PCLO: variants seen among roughly 807,000 people sequenced by gnomAD.
PCLO encodes the protein piccolo presynaptic cytomatrix protein.
Under a neutral mutation model 427.5 loss-of-function variants are expected in PCLO, and 82 were observed. That is an observed-to-expected ratio of 0.19 (90% CI 0.16 to 0.23). PCLO has a LOEUF of 0.23. Ranked by LOEUF, PCLO falls within the 10% of genes least tolerant of loss-of-function variation. PCLO has a pLI of 1.00. For synonymous variants in PCLO, 2,357 were observed against 2,155.4 expected, an observed-to-expected ratio of 1.09 and a Z score of -2.59; for missense variants, 6,239 against 6,115.9, an observed-to-expected ratio of 1.02 and a Z score of -0.67.
At chr7:83,133,036 T>A (rs1018334561) in intron 3 of PCLO, among the ~76,000 whole-genome samples, 108 of 152,022 alleles carry the variant, frequency 7.1e-4, no homozygotes, top group African/African-American at 2.4e-3. Context: ...GTTAAAATTA[T>A]TCATCACAGC....
rs139438473 is a variant in PCLO at position 82,841,895 on chromosome 7, C to T, written c.14047-386G>A. 1.8e-3 allele frequency among the ~76,000 whole-genome samples: 278 copies of T among 152,126 alleles called. 4 individuals carry two copies. Among genetic ancestry groups the T allele is most frequent in the African/African-American group, 5.9e-3 (246 of 41,520 alleles). On this transcript the variant is annotated intron_variant, in intron 13 of 24. Coordinates refer to ENST00000333891, the MANE Select transcript of PCLO (RefSeq NM_033026.6). ...AAGATTGGTTTAATACAAGAACTGC[C>T]GAGGAGCACAGAAGGTAGAAAAGTC...
intron 3 of PCLO, among the ~76,000 whole-genome samples, chr7:83,085,772 T>G (rs1164308215): frequency 6.6e-6 from 1 of 152,314 alleles, no homozygotes; most frequent in South Asian, 2.1e-4. Context: ...TATTATATGC[T>G]AATGTAAATA....
Position 82,954,693 on chromosome 7 carries a change from A to G in PCLO, c.6260T>C (p.Ile2087Thr). The G allele has an allele frequency of 6.2e-7, 1 of 1,613,866 alleles. No individual in the cohort carries two copies. The highest frequency in any genetic ancestry group is 8.5e-7 in the Non-Finnish European group (1 of 1,179,838). ...TPGSSPTQAP[I>T]GEDMTESTMD... ...GGTGGACTCTGTCATATCCTCACCA[A>G]TGGGGGCCTGGGTTGGGCTAGATCC... Residue 2087 changes from isoleucine to threonine, a missense_variant, in exon 5 of 25, where the codon ATT becomes ACT. Physicochemically the swap from Ile to Thr is moderately conservative, Grantham distance 89. Coordinates refer to ENST00000333891, the MANE Select transcript of PCLO (RefSeq NM_033026.6).
At chr7:82,889,767 T>C (rs1333679743) in intron 9 of PCLO, among the ~76,000 whole-genome samples, 3 of 152,110 alleles carry the variant, frequency 2.0e-5, no homozygotes, top group Non-Finnish European at 2.9e-5. Flanking sequence ...GTCTGTACAA[T>C]GTAATAAGAA....
intron 3 of PCLO, among the ~76,000 whole-genome samples, chr7:83,005,694 G>A (rs1271582239): frequency 6.6e-6 from 1 of 151,562 alleles, no homozygotes; most frequent in Non-Finnish European, 1.5e-5. Flanking sequence ...GTAGGTATAT[G>A]AAAACATCAG....
At chr7:82,829,766 TCCTA>T (rs767458636) in intron 16 of PCLO, among the ~76,000 whole-genome samples, 9 of 152,146 alleles carry the variant, frequency 5.9e-5, no homozygotes, top group Non-Finnish European at 1.2e-4. Context: ...AGAGAAATTC[TCCTA>T]CCTGTGAACA....
intron 3 of PCLO, among the ~76,000 whole-genome samples, chr7:82,966,740 G>C (rs1171757396): frequency 8.6e-5 from 13 of 151,960 alleles, no homozygotes; most frequent in Admixed American, 7.9e-4. Flanking sequence ...AAAAGAAAGA[G>C]AAATAATTAC....
rs770127624 is a variant in PCLO at position 82,805,779 on chromosome 7, A to T, written c.14842T>A (p.Ser4948Thr). 2.5e-6 allele frequency: 4 copies of T among 1,610,144 alleles called. No individual in the cohort carries two copies. In the East Asian group the frequency reaches 6.7e-5, roughly 27 times the overall value. ...TACCCACTGCCAAAGCTGCTGCCCGAGGAGCCGGTGGACACAGAGCTTTCT... is the reference window on the plus strand; with the variant it reads ...TACCCACTGCCAAAGCTGCTGCCCGTGGAGCCGGTGGACACAGAGCTTTCT... ...PAESSVSTGS[S>T]GSSFGSGYSV... The change falls in exon 21 of 25, where the codon TCG becomes ACG. Residue 4948 changes from serine (S) to threonine (T), a missense_variant. Physicochemically the swap from Ser to Thr is moderately conservative, Grantham distance 58. This residue lies in a region of PCLO where 877 missense variants were observed against 925.5 expected (regional missense o/e 0.95). Transcript: ENST00000333891.
At chr7:83,154,624 C>G (rs115324078) in intron 2 of PCLO, 124 bp downstream of exon 2, 2 of 740,828 alleles carry the variant, frequency 2.7e-6, no homozygotes, top group African/African-American at 1.8e-5. Flanking sequence ...ACAAAACGAA[C>G]GAAGGAGGGG....
chr7:83,036,959 G>A (rs1277162950), intron 3 of PCLO, among the ~76,000 whole-genome samples: 1 of 151,958 alleles, frequency 6.6e-6, no homozygotes, highest in African/African-American at 2.4e-5. Context: ...ATGTAATAAT[G>A]GTTAAACAGT....
intron 9 of PCLO, chr7:82,894,398 G>A (rs1405640219): frequency 6.4e-6 from 1 of 155,092 alleles, no homozygotes; most frequent in Non-Finnish European, 1.4e-5. Context: ...TGGACTTACA[G>A]TTCCACGTGG....
Position 82,760,704 on chromosome 7 carries a change from C to T in PCLO, c.15223G>A (p.Asp5075Asn). 6.3e-7 allele frequency: 1 copy of T among 1,596,850 alleles called. No homozygotes were observed. The highest frequency in any genetic ancestry group is 8.6e-7 in the Non-Finnish European group (1 of 1,167,484). The change falls in exon 24 of 25, where the codon GAT becomes AAT. Residue 5075 changes from aspartate (D) to asparagine (N), a missense_variant. By Grantham distance (23) the Asp-to-Asn change is conservative. This residue lies in a region of PCLO where 877 missense variants were observed against 925.5 expected (regional missense o/e 0.95). Coordinates refer to ENST00000333891, the MANE Select transcript of PCLO (RefSeq NM_033026.6). ...IKKKTRVCRH[D>N]REPSFNETFR... Reference sequence around the variant, plus strand: ...GTTTCATTAAACGAAGGCTCTCGATCATGTCTGCATACTCTTGTTTTTTTC... The same window carrying T: ...GTTTCATTAAACGAAGGCTCTCGATTATGTCTGCATACTCTTGTTTTTTTC...
intron 22 of PCLO, among the ~76,000 whole-genome samples, chr7:82,770,124 T>C (rs1482102106): frequency 6.6e-6 from 1 of 152,148 alleles, no homozygotes; most frequent in African/African-American, 2.4e-5. Flanking sequence ...GTTTCAAGCC[T>C]AGGTGATGAA....
intron 20 of PCLO, among the ~76,000 whole-genome samples, chr7:82,811,124 G>A (rs150858911): frequency 1.5e-3 from 226 of 151,628 alleles, no homozygotes; most frequent in African/African-American, 5.1e-3. Flanking sequence ...GGTTAATACA[G>A]TAGTAAATAT....
At chr7:83,098,844 G>C (rs1790661294) in intron 3 of PCLO, among the ~76,000 whole-genome samples, 1 of 152,026 alleles carries the variant, frequency 6.6e-6, no homozygotes, top group Admixed American at 6.6e-5. Flanking sequence ...CTATGAGTTA[G>C]TGTAGAAAAA....
At chr7:82,914,275 T>C (rs1205456736) in intron 7 of PCLO, 4 of 398,020 alleles carry the variant, frequency 1.0e-5, no homozygotes, top group Non-Finnish European at 1.3e-5. Context: ...TTCATGGCTC[T>C]AAACTTTAAT....
Position 82,805,734 on chromosome 7 carries a change from T to C in PCLO, c.14887A>G (p.Ser4963Gly). ...GSGYSVDSEG[S>G]SSTAGETNLF... The stretch of plus-strand genomic sequence containing the variant: ...TTAGTCTCCCCTGCAGTGCTGCTGC[T>C]TCCTTCACTGTCCACGCTATACCCA... Residue 4963 changes from serine (S) to glycine (G), a missense_variant, in exon 21 of 25, where the codon AGC (serine) becomes GGC (glycine). By Grantham distance (56) the Ser-to-Gly change is moderately conservative. Coordinates refer to ENST00000333891, the MANE Select transcript of PCLO (RefSeq NM_033026.6). 6.2e-7 allele frequency: 1 copy of C among 1,612,836 alleles called. No individual in the cohort carries two copies. The highest frequency in any genetic ancestry group is 1.3e-5 in the African/African-American group (1 of 75,036).
At chr7:82,903,578 T>C (rs987097132) in intron 8 of PCLO, among the ~76,000 whole-genome samples, 4 of 151,986 alleles carry the variant, frequency 2.6e-5, no homozygotes, top group East Asian at 1.9e-4. Context: ...TGCTTTATAT[T>C]TCATGGAACT....
intron 3 of PCLO, among the ~76,000 whole-genome samples, chr7:83,038,241 C>G (rs1788881748): frequency 6.7e-6 from 1 of 148,690 alleles, no homozygotes; most frequent in Non-Finnish European, 1.5e-5. Flanking sequence ...CATAAATTCA[C>G]ACATTTAAAA....
Sources: gnomAD v4.1 joint callset for allele counts (sites outside exome capture counted in the v4.1 genomes callset) on GRCh38, gnomAD v4.1.1 for gene constraint, gnomAD v4.1.1 regional missense constraint, MANE v1.5 for transcripts, NCBI Gene and HGNC (gene_info 2026-07-23, HGNC 2026-07-21) for gene names.